Variants in CDH11 observed in about 807,000 individuals in gnomAD.
CDH11 encodes cadherin-11.
Under a neutral mutation model 67.8 loss-of-function variants are expected in CDH11, and 11 were observed. The ratio of observed to expected loss-of-function variants is 0.16; its 90% CI spans 0.10 to 0.27. The LOEUF is 0.27. Among genes scored for constraint, CDH11 ranks in the 10% least tolerant of loss-of-function variants. The pLI, the probability that CDH11 is intolerant of heterozygous loss-of-function variation, is 1.00. For synonymous variants in CDH11, 419 were observed against 400.0 expected (o/e 1.05, Z -0.57); for missense variants, 847 against 1,031.2 (o/e 0.82, Z 2.45).
At position 64,998,721 on chromosome 16, in the gene CDH11, C is replaced by T; in HGVS notation, c.364G>A (p.Ala122Thr). ...ATKTLDREER[A>T]QYTLMAQAVD... ...GCCTGAGCCATCAACGTGTACTGGG[C>T]TCTCTCTTCTCGATCCAACGTCTTG... Residue 122 changes from alanine to threonine, a missense_variant, in exon 4 of 13, where the codon GCC becomes ACC. Ala to Thr is a moderately conservative substitution (Grantham distance 58). Around this residue, in one of 2 missense-constraint regions of CDH11, gnomAD observed 235 missense variants for 352.5 expected, o/e 0.67. Transcript: ENST00000268603. The T allele has an allele frequency of 6.2e-7, 1 of 1,614,128 alleles. No individual in the cohort carries two copies. The highest frequency in any genetic ancestry group is 8.5e-7 in the Non-Finnish European group (1 of 1,180,024).
At chr16:65,014,139 G>A (rs1177312247) in intron 2 of CDH11, among the ~76,000 whole-genome samples, 1 of 152,094 alleles carries the variant, frequency 6.6e-6, no homozygotes, top group African/African-American at 2.4e-5. Flanking sequence ...CTCACGAAGG[G>A]GCTCTAGGAG....
chr16:64,969,837 C>T (rs756890806), intron 11 of CDH11, among the ~76,000 whole-genome samples: 7 of 152,146 alleles, frequency 4.6e-5, no homozygotes, highest in Admixed American at 1.3e-4. Flanking sequence ...AGAAAACTAT[C>T]ATTACAAAAT....
intron 11 of CDH11, among the ~76,000 whole-genome samples, chr16:64,957,361 T>A (rs1277830886): frequency 6.6e-6 from 1 of 151,862 alleles, no homozygotes; most frequent in African/African-American, 2.4e-5. Flanking sequence ...CCCAGGGAGG[T>A]ATTTTGTTCA....
Position 65,046,339 on chromosome 16 carries a change from A to G in CDH11, c.-173+7465T>C, listed in dbSNP as rs116361329. ...GGAGAGCATGCTCACCTGCCCAAGA[A>G]GCGCTTGCTGAGCACTTGAGGAGGC... On this transcript the variant is annotated intron_variant, in intron 2 of 12. Coordinates refer to ENST00000268603, the MANE Select transcript of CDH11 (RefSeq NM_001797.4). Among the ~76,000 whole-genome samples, 850 of 152,298 alleles carry G rather than the reference A, an allele frequency of 5.6e-3. 11 individuals are homozygous for G. Among genetic ancestry groups the G allele is most frequent in the African/African-American group, 0.019 (788 of 41,572 alleles).
At chr16:65,086,137 A>G (rs2074694456) in intron 1 of CDH11, among the ~76,000 whole-genome samples, 1 of 152,232 alleles carries the variant, frequency 6.6e-6, no homozygotes, top group South Asian at 2.1e-4. Flanking sequence ...TATCTTCTGG[A>G]GCTTTCAGTC....
At chr16:65,057,419 C>G (rs2074162178) in intron 1 of CDH11, among the ~76,000 whole-genome samples, 1 of 152,170 alleles carries the variant, frequency 6.6e-6, no homozygotes, top group South Asian at 2.1e-4. Flanking sequence ...CAGCACTAAG[C>G]CTCTTAGGGG....
chr16:65,004,887 G>C lies in CDH11; in HGVS notation c.-18C>G, dbSNP rs539108297. The C allele has an allele frequency of 6.7e-7, 1 of 1,497,080 alleles. No homozygotes were observed. Among genetic ancestry groups the C allele is most frequent in the Non-Finnish European group, 9.0e-7 (1 of 1,117,256 alleles). The allele number at this position is 1,497,080 out of a possible 1,614,324, so 92.7% of individuals were successfully genotyped here. A position where few individuals can be genotyped will look rare whatever the true frequency, so the allele number is the denominator to read the frequency against. ...TCCTTCATTTTTGGTTACGTGGTAGGCACAGGAGAATGCAGCTGTCACCCC... is the reference window on the plus strand; with the variant it reads ...TCCTTCATTTTTGGTTACGTGGTAGCCACAGGAGAATGCAGCTGTCACCCC... On this transcript the variant is annotated 5_prime_UTR_variant, in exon 3 of 13. Transcript: ENST00000268603.
At chr16:65,117,778 C>A (rs1358426013) in intron 1 of CDH11, among the ~76,000 whole-genome samples, 1 of 152,128 alleles carries the variant, frequency 6.6e-6, no homozygotes, top group African/African-American at 2.4e-5. Flanking sequence ...TTTATCCATT[C>A]CCTTCCACTT....
intron 1 of CDH11, among the ~76,000 whole-genome samples, chr16:65,082,387 G>T (rs984383595): frequency 6.6e-6 from 1 of 152,154 alleles, no homozygotes. Context: ...AGAAACAAGT[G>T]CCAGGTAGTG....
At chr16:64,998,042 A>G (rs1001961184) in intron 4 of CDH11, among the ~76,000 whole-genome samples, 32 of 152,352 alleles carry the variant, frequency 2.1e-4, no homozygotes, top group African/African-American at 6.3e-4. Context: ...ATTATCCTTT[A>G]GCAACTTAAT....
intron 3 of CDH11, among the ~76,000 whole-genome samples, chr16:65,004,095 A>T (rs1454143568): frequency 6.6e-6 from 1 of 152,212 alleles, no homozygotes; most frequent in South Asian, 2.1e-4. Flanking sequence ...AGCCTGGCGT[A>T]GTGGCTCAGG....
At position 65,082,990 on chromosome 16, in the gene CDH11, G is replaced by A. The variant is rs149277531; in HGVS notation, c.-297-29062C>T. Among the ~76,000 whole-genome samples the A allele has an allele frequency of 3.0e-4, 45 of 152,338 alleles. 1 individual carries two copies. In the Middle Eastern group the frequency reaches 0.014, roughly 46 times the overall value. On this transcript the variant is annotated intron_variant, in intron 1 of 12. Transcript: ENST00000268603. ...TATGTAGTAGGGCTTGGCACATGGTGAGTGGGTAAATAGAAGCTACTATTA... is the reference window on the plus strand; with the variant it reads ...TATGTAGTAGGGCTTGGCACATGGTAAGTGGGTAAATAGAAGCTACTATTA...
intron 1 of CDH11, among the ~76,000 whole-genome samples, chr16:65,075,021 A>G (rs1272024314): frequency 6.6e-6 from 1 of 152,182 alleles, no homozygotes; most frequent in Non-Finnish European, 1.5e-5. Context: ...TCTCTAGAAC[A>G]TGGCACTGTG....
chr16:65,105,166 C>A (rs2075047598), intron 1 of CDH11, among the ~76,000 whole-genome samples: 1 of 152,134 alleles, frequency 6.6e-6, no homozygotes, highest in South Asian at 2.1e-4. Context: ...AAAGATTGAA[C>A]TATCTATATG....
chr16:65,021,682 G>A (rs2073427753), intron 2 of CDH11, among the ~76,000 whole-genome samples: 1 of 149,616 alleles, frequency 6.7e-6, no homozygotes, highest in African/African-American at 2.4e-5. Context: ...CAGACTCTAG[G>A]CAGGACAAAT....
chr16:65,107,909 A>T (rs957143434), intron 1 of CDH11, among the ~76,000 whole-genome samples: 4 of 152,178 alleles, frequency 2.6e-5, no homozygotes, highest in Non-Finnish European at 4.4e-5. Flanking sequence ...AAGGCCACAC[A>T]GCTATTTATC....
At chr16:64,965,249 G>T (rs2071784520) in intron 11 of CDH11, among the ~76,000 whole-genome samples, 1 of 150,584 alleles carries the variant, frequency 6.6e-6, no homozygotes, top group African/African-American at 2.4e-5. Context: ...GGGTGTGCTG[G>T]CGGGCGCCTG....
chr16:64,951,954 C>T (rs139662831), intron 11 of CDH11, among the ~76,000 whole-genome samples: 2 of 152,178 alleles, frequency 1.3e-5, no homozygotes, highest in South Asian at 2.1e-4. Context: ...GCACCTCTGC[C>T]AGCATGGTGG....
At chr16:64,989,341 G>A (rs1597059872) in intron 6 of CDH11, among the ~76,000 whole-genome samples, 2 of 152,070 alleles carry the variant, frequency 1.3e-5, no homozygotes, top group African/African-American at 4.8e-5. Context: ...GTTTGTGTAT[G>A]TGTATGAGTG....
Sources: allele counts gnomAD v4.1 joint callset (sites outside exome capture counted in the v4.1 genomes callset), GRCh38; gene constraint gnomAD v4.1.1; regional missense constraint gnomAD v4.1.1; transcripts MANE v1.5; gene names NCBI Gene and HGNC (gene_info 2026-07-23, HGNC 2026-07-21).